The following TMEM117 variants were observed in gnomAD, a reference collection of about 807,000 sequenced individuals.
TMEM117 encodes transmembrane protein 117.
TMEM117 carries 27 observed loss-of-function variants against 52.4 expected under a neutral mutation model. The ratio of observed to expected loss-of-function variants is 0.51; its 90% CI spans 0.38 to 0.71. The LOEUF (loss-of-function observed/expected upper bound fraction) is 0.71. TMEM117 is among the 30% of genes least tolerant of loss of function. The pLI, the probability that TMEM117 is intolerant of heterozygous loss-of-function variation, is 0.00. For missense variants in TMEM117, 556 were observed against 630.5 expected (o/e 0.88, Z 1.26); for synonymous variants, 215 against 206.3 (o/e 1.04, Z -0.36).
At chr12:44,087,595 G>T (rs929364187) in intron 3 of TMEM117, among the ~76,000 whole-genome samples, 1 of 152,072 alleles carries the variant, frequency 6.6e-6, no homozygotes, top group East Asian at 1.9e-4. Context: ...GCCGAGAGCA[G>T]CTGGGACTAT....
intron 4 of TMEM117, among the ~76,000 whole-genome samples, chr12:44,164,588 C>G (rs536366588): frequency 2.6e-5 from 4 of 152,048 alleles, no homozygotes; most frequent in Non-Finnish European, 4.4e-5. Context: ...TAAAAGGCAA[C>G]AGTATGGAAA....
intron 3 of TMEM117, among the ~76,000 whole-genome samples, chr12:43,980,508 A>AT (rs1945743213): frequency 6.6e-6 from 1 of 152,142 alleles, no homozygotes. Flanking sequence ...CAATACTTTT[A>AT]TATACTGTTG....
At chr12:44,183,706 C>T (rs1315459247) in intron 4 of TMEM117, among the ~76,000 whole-genome samples, 1 of 152,106 alleles carries the variant, frequency 6.6e-6, no homozygotes, top group African/African-American at 2.4e-5. Flanking sequence ...GATTAATATG[C>T]AACTGAGTAG....
At chr12:44,029,734 G>A (rs1946602686) in intron 3 of TMEM117, among the ~76,000 whole-genome samples, 1 of 152,208 alleles carries the variant, frequency 6.6e-6, no homozygotes, top group African/African-American at 2.4e-5. Flanking sequence ...TGGTGTGTGT[G>A]TCTTTCTGTG....
intron 4 of TMEM117, among the ~76,000 whole-genome samples, chr12:44,153,730 C>T (rs536705370): frequency 6.6e-6 from 1 of 151,916 alleles, no homozygotes; most frequent in Non-Finnish European, 1.5e-5. Flanking sequence ...GTTTGCTCCA[C>T]GTATTTTTAG....
intron 3 of TMEM117, among the ~76,000 whole-genome samples, chr12:43,966,506 C>T (rs1459408006): frequency 2.0e-5 from 3 of 152,090 alleles, no homozygotes; most frequent in Non-Finnish European, 2.9e-5. Flanking sequence ...ATACCTAAAG[C>T]TAGTAGGAGA....
At chr12:43,960,684 A>T (rs990495281) in intron 3 of TMEM117, among the ~76,000 whole-genome samples, 1 of 152,126 alleles carries the variant, frequency 6.6e-6, no homozygotes, top group African/African-American at 2.4e-5. Context: ...TAAATATTTT[A>T]TCAGCTTGTT....
At chr12:44,134,695 C>A (rs1014419237) in intron 3 of TMEM117, among the ~76,000 whole-genome samples, 3 of 152,152 alleles carry the variant, frequency 2.0e-5, no homozygotes, top group Admixed American at 2.0e-4. Flanking sequence ...AATTTAGTGT[C>A]ATTTATTTCT....
intron 6 of TMEM117, among the ~76,000 whole-genome samples, chr12:44,371,631 G>A (rs973960506): frequency 1.3e-5 from 2 of 152,082 alleles, no homozygotes; most frequent in African/African-American, 4.8e-5. Context: ...TTTAATTTGG[G>A]AAATTGAATG....
chr12:44,188,324 G>C (rs1419819845), intron 4 of TMEM117, among the ~76,000 whole-genome samples: 1 of 151,826 alleles, frequency 6.6e-6, no homozygotes, highest in Non-Finnish European at 1.5e-5. Context: ...TTTCCTTATT[G>C]TTTTTCTGGT....
chr12:44,026,624 T>C (rs1426883536), intron 3 of TMEM117, among the ~76,000 whole-genome samples: 2 of 152,232 alleles, frequency 1.3e-5, no homozygotes, highest in Non-Finnish European at 2.9e-5. Context: ...GTTATACTTA[T>C]GAGAGTAGGA....
intron 2 of TMEM117, among the ~76,000 whole-genome samples, chr12:43,921,592 T>A (rs1944694942): frequency 6.6e-6 from 1 of 152,218 alleles, no homozygotes; most frequent in Non-Finnish European, 1.5e-5. Flanking sequence ...TAAGTTTTAT[T>A]GGTTCTACCT....
intron 4 of TMEM117, among the ~76,000 whole-genome samples, chr12:44,146,277 C>T (rs1592556259): frequency 1.3e-5 from 2 of 152,274 alleles, no homozygotes; most frequent in South Asian, 2.1e-4. Flanking sequence ...TCTAATTTTA[C>T]TGCTTTAATG....
chr12:44,302,283 C>G (rs1340321865), intron 6 of TMEM117, among the ~76,000 whole-genome samples: 1 of 152,188 alleles, frequency 6.6e-6, no homozygotes, highest in Non-Finnish European at 1.5e-5. Context: ...GAGAGTCCAG[C>G]CTCTGGGAGC....
At chr12:44,314,553 T>C (rs1050257140) in intron 6 of TMEM117, among the ~76,000 whole-genome samples, 1 of 149,636 alleles carries the variant, frequency 6.7e-6, no homozygotes, top group East Asian at 1.9e-4. Context: ...GATATTGGCC[T>C]GTAGTTTCTT....
chr12:43,955,949 G>A (rs763782814), intron 3 of TMEM117, among the ~76,000 whole-genome samples: 3 of 152,118 alleles, frequency 2.0e-5, no homozygotes, highest in Non-Finnish European at 4.4e-5. Context: ...TAGGCACGTA[G>A]ACCATTGGAA....
intron 5 of TMEM117, among the ~76,000 whole-genome samples, chr12:44,273,822 C>T (rs1950479105): frequency 1.3e-5 from 2 of 152,016 alleles, no homozygotes; most frequent in Admixed American, 6.6e-5. Context: ...GAACACACCT[C>T]AGCATAATAA....
chr12:44,250,640 A>G (rs2138510735), intron 5 of TMEM117, among the ~76,000 whole-genome samples: 1 of 152,360 alleles, frequency 6.6e-6, no homozygotes, highest in South Asian at 2.1e-4. Context: ...CATATACACC[A>G]TGGAATACTA....
intron 3 of TMEM117, among the ~76,000 whole-genome samples, chr12:44,052,600 C>G (rs1946991186): frequency 1.3e-5 from 2 of 152,128 alleles, no homozygotes; most frequent in Non-Finnish European, 2.9e-5. Flanking sequence ...TGTTTCTACC[C>G]TCATTTCCCA....
Sources: allele counts gnomAD v4.1 joint callset (sites outside exome capture counted in the v4.1 genomes callset), GRCh38; gene constraint gnomAD v4.1.1; transcripts MANE v1.5; gene names NCBI Gene and HGNC (gene_info 2026-07-23, HGNC 2026-07-21).